The following IL26 variants were observed in gnomAD, a reference collection of about 807,000 sequenced individuals.
IL26 encodes interleukin-26.
IL26 carries 23 observed loss-of-function variants against 21.7 expected under a neutral mutation model. The observed-to-expected ratio is 1.06, with a 90% CI of 0.76 to 1.50. IL26 has a LOEUF of 1.50. Ranked by LOEUF, IL26 falls within the 40% of genes most tolerant of loss-of-function variation. The pLI, the probability that IL26 is intolerant of heterozygous loss-of-function variation, is 0.00. For synonymous variants in IL26, 63 were observed against 67.8 expected, an observed-to-expected ratio of 0.93 and a Z score of 0.34; for missense variants, 204 against 196.0, an observed-to-expected ratio of 1.04 and a Z score of -0.24.
chr12:68,201,524 CA>C lies in IL26; in HGVS notation c.*320del, dbSNP rs1364896350. On this transcript the variant is annotated 3_prime_UTR_variant, in exon 5 of 5. Coordinates refer to ENST00000229134, the MANE Select transcript of IL26 (RefSeq NM_018402.2). ...AATCTGTCATTCCCCCTCCACCCCC[CA>C]CATCCCACTCCACACACAAATATTA... 2 of 217,132 alleles carry C rather than the reference CA, an allele frequency of 9.2e-6. No individual in the cohort carries two copies. Among genetic ancestry groups the C allele is most frequent in the East Asian group, 2.3e-4 (2 of 8,712 alleles). 13.5% of individuals were successfully genotyped at this position (217,132 alleles called of 1,614,324 possible).
chr12:68,208,859 C>G (rs1343725003), intron 3 of IL26, among the ~76,000 whole-genome samples: 1 of 152,106 alleles, frequency 6.6e-6, no homozygotes, highest in Admixed American at 6.5e-5. Flanking sequence ...CATTGAGTCC[C>G]CTGCATCTGG....
chr12:68,210,980 T>C lies in IL26; in HGVS notation c.364-8897A>G, dbSNP rs11571034. ...ATAATAGATGTAAATATTTTCAGGG[T>C]ACATGTGACATTTTGATGCATTCAT... is the stretch of plus-strand genomic sequence containing the variant. On this transcript the variant is annotated intron_variant, in intron 3 of 4. Coordinates refer to ENST00000229134, the MANE Select transcript of IL26 (RefSeq NM_018402.2). 2.3e-3 allele frequency among the ~76,000 whole-genome samples: 348 copies of C among 152,318 alleles called. 1 individual carries two copies. The highest frequency in any genetic ancestry group is 7.8e-3 in the African/African-American group (326 of 41,586).
intron 3 of IL26, among the ~76,000 whole-genome samples, chr12:68,224,382 C>T (rs539764608): frequency 1.3e-5 from 2 of 152,070 alleles, no homozygotes; most frequent in East Asian, 3.9e-4. Context: ...AATGTGATCA[C>T]TTTTACCTTC....
chr12:68,222,718 C>T (rs906763856), intron 3 of IL26, among the ~76,000 whole-genome samples: 6 of 152,160 alleles, frequency 3.9e-5, no homozygotes, highest in Non-Finnish European at 8.8e-5. Context: ...CAAGAAGGGA[C>T]TTGACCAATT....
intron 3 of IL26, among the ~76,000 whole-genome samples, chr12:68,222,691 C>G (rs1869089123): frequency 6.6e-6 from 1 of 152,180 alleles, no homozygotes; most frequent in Non-Finnish European, 1.5e-5. Context: ...AAGGCCCCCT[C>G]TCACAGTCCC....
chr12:68,214,425 T>C (rs1191369190), intron 3 of IL26, among the ~76,000 whole-genome samples: 1 of 152,180 alleles, frequency 6.6e-6, no homozygotes, highest in African/African-American at 2.4e-5. Flanking sequence ...ATTACTAAGA[T>C]TGGAGTGTTG....
In IL26 at chr12:68,225,443, C is replaced by T; in HGVS notation, c.228+1G>A. On this transcript the variant is annotated splice_donor_variant, in intron 2 of 4. Coordinates refer to ENST00000229134, the MANE Select transcript of IL26 (RefSeq NM_018402.2). LOFTEE classifies it high-confidence loss of function. ...AAAAAGAAGAAGACTTTCTGACTTA[C>T]CATAAACTGCTTTTTTGTTTTCTTT... 1 of 1,573,124 alleles carries T rather than the reference C, an allele frequency of 6.4e-7. No individual in the cohort carries two copies. Among genetic ancestry groups the T allele is most frequent in the Admixed American group, 1.7e-5 (1 of 59,366 alleles).
intron 3 of IL26, among the ~76,000 whole-genome samples, chr12:68,208,125 G>C (rs913853150): frequency 1.3e-5 from 2 of 152,146 alleles, no homozygotes; most frequent in Non-Finnish European, 2.9e-5. Context: ...GACACAGAGT[G>C]ATGCACAATT....
chr12:68,204,905 G>A (rs1370585461), intron 3 of IL26, among the ~76,000 whole-genome samples: 1 of 152,164 alleles, frequency 6.6e-6, no homozygotes, highest in African/African-American at 2.4e-5. Context: ...TTGGAAAGAG[G>A]AATTTATTCA....
intron 3 of IL26, among the ~76,000 whole-genome samples, chr12:68,209,375 A>G (rs1868638355): frequency 6.6e-6 from 1 of 152,236 alleles, no homozygotes; most frequent in Admixed American, 6.5e-5. Flanking sequence ...GCATTGCATT[A>G]AGCACATGAT....
intron 3 of IL26, among the ~76,000 whole-genome samples, chr12:68,211,022 A>T (rs1233784094): frequency 6.6e-6 from 1 of 152,156 alleles, no homozygotes; most frequent in African/African-American, 2.4e-5. Context: ...TGTTATGATT[A>T]AATCAGGGTA....
intron 3 of IL26, among the ~76,000 whole-genome samples, chr12:68,207,576 T>C (rs1868578429): frequency 6.6e-6 from 1 of 152,226 alleles, no homozygotes. Flanking sequence ...AGTAATTTTG[T>C]GCAGCTAATT....
intron 3 of IL26, among the ~76,000 whole-genome samples, chr12:68,224,621 AAAGG>A (rs1307390059): frequency 1.3e-5 from 2 of 151,070 alleles, no homozygotes; most frequent in Admixed American, 6.6e-5. Context: ...GAAAGAAAGA[AAAGG>A]AAGTAAAGAA....
intron 3 of IL26, among the ~76,000 whole-genome samples, chr12:68,205,073 T>C (rs952662975): frequency 6.6e-6 from 1 of 152,162 alleles, no homozygotes; most frequent in Non-Finnish European, 1.5e-5. Flanking sequence ...AAATTATTGG[T>C]AGGGCTAGAA....
chr12:68,212,321 T>A (rs954440463), intron 3 of IL26, among the ~76,000 whole-genome samples: 3 of 152,098 alleles, frequency 2.0e-5, no homozygotes, highest in African/African-American at 7.2e-5. Context: ...AGTGTGATGC[T>A]TCCAGCTTTG....
chr12:68,204,212 T>C (rs1285267568), intron 3 of IL26, among the ~76,000 whole-genome samples: 1 of 150,290 alleles, frequency 6.7e-6, no homozygotes, highest in Non-Finnish European at 1.5e-5. Flanking sequence ...GGCGCAATCT[T>C]GGCTTACTGC....
intron 3 of IL26, among the ~76,000 whole-genome samples, chr12:68,205,280 C>T (rs1868506035): frequency 6.6e-6 from 1 of 150,458 alleles, no homozygotes; most frequent in Non-Finnish European, 1.5e-5. Flanking sequence ...ACGTTAGGTG[C>T]ACTGACCCCC....
At chr12:68,225,070 G>A in intron 3 of IL26, 79 bp downstream of exon 3, 1 of 1,435,098 alleles carries the variant, frequency 7.0e-7, no homozygotes, top group Non-Finnish European at 9.4e-7. Context: ...TCACCCTTTG[G>A]TGTGAGACAG....
chr12:68,223,149 A>G (rs2120476605), intron 3 of IL26, among the ~76,000 whole-genome samples: 1 of 152,270 alleles, frequency 6.6e-6, no homozygotes, highest in East Asian at 1.9e-4. Context: ...CTGCCGCTTT[A>G]TGTTTCACGG....
Sources: allele counts gnomAD v4.1 joint callset (sites outside exome capture counted in the v4.1 genomes callset), GRCh38; gene constraint gnomAD v4.1.1; transcripts MANE v1.5; gene names NCBI Gene and HGNC (gene_info 2026-07-23, HGNC 2026-07-21).